Variants in AGBL1 observed in about 807,000 individuals in gnomAD.
The protein encoded by AGBL1 is cytosolic carboxypeptidase 4.
AGBL1 carries 130 observed loss-of-function variants against 118.9 expected under a neutral mutation model. The ratio of observed to expected loss-of-function variants is 1.09; its 90% confidence interval spans 0.95 to 1.26. AGBL1 has a LOEUF of 1.26. AGBL1 is among the 50% of genes most tolerant of loss of function. The pLI is 0.00. For missense variants in AGBL1, 1,584 were observed against 1,298.1 expected (o/e 1.22, Z -3.38); for synonymous variants, 555 against 478.9 (o/e 1.16, Z -2.08).
chr15:86,757,090 G>T (rs2077953103), intron 22 of AGBL1, among the ~76,000 whole-genome samples: 1 of 151,906 alleles, frequency 6.6e-6, no homozygotes, highest in Admixed American at 6.6e-5. Context: ...AACAGTATAC[G>T]ATTTTCTGAG....
intron 22 of AGBL1, among the ~76,000 whole-genome samples, chr15:86,792,473 G>A (rs778349349): frequency 1.8e-4 from 27 of 152,158 alleles, no homozygotes; most frequent in Non-Finnish European, 3.2e-4. Context: ...GTTATTGAGA[G>A]TGGCCTGTAA....
intron 21 of AGBL1, among the ~76,000 whole-genome samples, chr15:86,668,538 G>A (rs187091220): frequency 6.6e-6 from 1 of 152,052 alleles, no homozygotes; most frequent in Non-Finnish European, 1.5e-5. Context: ...TATCTTCAGA[G>A]TGGCCCCCTT....
chr15:86,960,769 A>G (rs2080984834), intron 23 of AGBL1, among the ~76,000 whole-genome samples: 1 of 152,082 alleles, frequency 6.6e-6, no homozygotes, highest in Admixed American at 6.6e-5. Flanking sequence ...ATAAAAAAGG[A>G]ATCTACCATG....
chr15:86,090,685 T>C (rs933941892), intron 1 of AGBL1, among the ~76,000 whole-genome samples: 1 of 152,230 alleles, frequency 6.6e-6, no homozygotes, highest in African/African-American at 2.4e-5. Flanking sequence ...TCTTTATTTT[T>C]TGATATTATA....
intron 21 of AGBL1, among the ~76,000 whole-genome samples, chr15:86,578,026 G>A (rs2084118140): frequency 6.6e-6 from 1 of 151,876 alleles, no homozygotes; most frequent in Admixed American, 6.6e-5. Flanking sequence ...GCTGTGAGAA[G>A]AGGGCCACCG....
At chr15:86,391,258 T>C (rs567181054) in intron 17 of AGBL1, among the ~76,000 whole-genome samples, 10 of 152,194 alleles carry the variant, frequency 6.6e-5, no homozygotes, top group Non-Finnish European at 1.2e-4. Context: ...AAACATCTTT[T>C]AATATTGATA....
intron 22 of AGBL1, among the ~76,000 whole-genome samples, chr15:86,747,621 C>G (rs1296950213): frequency 1.3e-5 from 2 of 152,084 alleles, no homozygotes; most frequent in Admixed American, 1.3e-4. Flanking sequence ...AATGCTTTCC[C>G]TCCCTCCTCC....
At chr15:86,298,033 T>C (rs2079674074) in intron 17 of AGBL1, among the ~76,000 whole-genome samples, 1 of 151,858 alleles carries the variant, frequency 6.6e-6, no homozygotes, top group Non-Finnish European at 1.5e-5. Flanking sequence ...AATTTTATTT[T>C]CCTTTCCTAA....
chr15:86,818,670 A>T (rs1354451529), intron 22 of AGBL1, among the ~76,000 whole-genome samples: 2 of 152,140 alleles, frequency 1.3e-5, no homozygotes, highest in African/African-American at 4.8e-5. Context: ...GTGAATGACC[A>T]AAGTGGATGG....
chr15:86,439,623 A>G (rs1357116707), intron 18 of AGBL1, among the ~76,000 whole-genome samples: 2 of 152,230 alleles, frequency 1.3e-5, no homozygotes, highest in African/African-American at 2.4e-5. Context: ...AGGGTCAACA[A>G]CAGGAGTGAG....
intron 16 of AGBL1, among the ~76,000 whole-genome samples, chr15:86,294,058 G>A (rs1262021141): frequency 1.3e-5 from 2 of 151,968 alleles, no homozygotes; most frequent in Non-Finnish European, 2.9e-5. Flanking sequence ...TCTATGACTG[G>A]TGCCCCTGTT....
chr15:86,268,429 C>A (rs953187717), intron 13 of AGBL1, among the ~76,000 whole-genome samples: 1 of 152,136 alleles, frequency 6.6e-6, no homozygotes, highest in Non-Finnish European at 1.5e-5. Flanking sequence ...GAAAGGAGAC[C>A]TGATTATGAG....
intron 22 of AGBL1, among the ~76,000 whole-genome samples, chr15:86,828,659 A>G (rs2079064325): frequency 6.6e-6 from 1 of 152,118 alleles, no homozygotes; most frequent in Non-Finnish European, 1.5e-5. Context: ...AGCGCTTCTG[A>G]CACCTTGCCT....
chr15:86,605,243 C>G (rs540188281), intron 21 of AGBL1, among the ~76,000 whole-genome samples: 290 of 152,092 alleles, frequency 1.9e-3, no homozygotes, highest in Non-Finnish European at 3.4e-3. Context: ...CAAGCCTGTT[C>G]TTAAAGGAAT....
chr15:86,394,895 T>G (rs2081340155), intron 17 of AGBL1, among the ~76,000 whole-genome samples: 2 of 152,146 alleles, frequency 1.3e-5, no homozygotes, highest in African/African-American at 4.8e-5. Flanking sequence ...CACTCCTACC[T>G]ACAAAAGGAT....
intron 18 of AGBL1, among the ~76,000 whole-genome samples, chr15:86,487,746 G>A (rs1055112131): frequency 2.0e-5 from 3 of 151,966 alleles, no homozygotes; most frequent in African/African-American, 4.8e-5. Flanking sequence ...GTCCAACAAC[G>A]CTGCACTGAA....
At chr15:86,395,510 C>A (rs2081349275) in intron 17 of AGBL1, among the ~76,000 whole-genome samples, 1 of 152,096 alleles carries the variant, frequency 6.6e-6, no homozygotes, top group Non-Finnish European at 1.5e-5. Flanking sequence ...TCACTACTGA[C>A]AAATGCTATG....
intron 24 of AGBL1, among the ~76,000 whole-genome samples, chr15:87,002,153 G>A (rs1254614835): frequency 1.3e-5 from 2 of 152,026 alleles, no homozygotes; most frequent in Admixed American, 6.6e-5. Context: ...ATTAATTTTT[G>A]TATAAGGTAT....
At chr15:86,758,031 C>A (rs954102017) in intron 22 of AGBL1, among the ~76,000 whole-genome samples, 35 of 152,050 alleles carry the variant, frequency 2.3e-4, no homozygotes, top group African/African-American at 8.2e-4. Flanking sequence ...ATTATCAGGG[C>A]CTTTGAAGTT....
Sources: gnomAD v4.1 joint callset for allele counts (sites outside exome capture counted in the v4.1 genomes callset) on GRCh38, gnomAD v4.1.1 for gene constraint, MANE v1.5 for transcripts, NCBI Gene and HGNC (gene_info 2026-07-23, HGNC 2026-07-21) for gene names.